ARMC12: variants seen among roughly 807,000 people sequenced by gnomAD.
ARMC12 encodes the protein armadillo repeat containing 12, also known as armadillo repeat-containing protein 12.
In ARMC12, 25 loss-of-function variants were observed where a neutral mutation model predicts 37.4. That is an observed-to-expected ratio of 0.67 (90% CI 0.49 to 0.93). ARMC12 has a LOEUF of 0.93. Ranked by LOEUF, ARMC12 falls within the 40% of genes least tolerant of loss-of-function variation. The pLI, the probability that ARMC12 is intolerant of heterozygous loss-of-function variation, is 0.00. For synonymous variants in ARMC12, 167 were observed against 176.1 expected, an observed-to-expected ratio of 0.95 and a Z score of 0.41; for missense variants, 384 against 426.6, an observed-to-expected ratio of 0.90 and a Z score of 0.88.
chr6:35,732,219 G>A (rs1046884307), upstream of ARMC12, among the ~76,000 whole-genome samples: 3 of 152,174 alleles, frequency 2.0e-5, no homozygotes, highest in Non-Finnish European at 4.4e-5. Context: ...CTGGTTCCTG[G>A]GCAGGAGTAA....
upstream of ARMC12, among the ~76,000 whole-genome samples, chr6:35,734,382 G>C (rs1030950468): frequency 6.6e-6 from 1 of 152,168 alleles, no homozygotes; most frequent in Admixed American, 6.5e-5. Context: ...GGCCAGGCTC[G>C]AACTCCTGGG....
At chr6:35,738,293 G>GGC (rs1554141456) in intron 2 of ARMC12, 91 bp from the exon 3 acceptor site, 8 of 1,431,832 alleles carry the variant, frequency 5.6e-6, no homozygotes, top group South Asian at 3.8e-5. Context: ...CGGTGGGGGG[G>GGC]GGGTGTGCGG....
rs1483397077 is a variant in ARMC12 at position 35,739,042 on chromosome 6, T to C, written c.444+524T>C. Among the ~76,000 whole-genome samples the C allele has an allele frequency of 2.6e-5, 4 of 151,484 alleles. No homozygotes were observed. In the East Asian group the frequency reaches 5.8e-4, roughly 22 times the overall value. Reference sequence around the variant, plus strand: ...ACTCAGGAAAGGACTTTACTTACTATTACTGGTTTTTTATATAAAGGACAC... The same window carrying C: ...ACTCAGGAAAGGACTTTACTTACTACTACTGGTTTTTTATATAAAGGACAC... On this transcript the variant is annotated intron_variant, in intron 3 of 5. Coordinates refer to ENST00000373866, the MANE Select transcript of ARMC12 (RefSeq NM_001286574.2).
the ARMC12 span, among the ~76,000 whole-genome samples, chr6:35,731,700 C>G: frequency 1.3e-5 from 2 of 152,194 alleles, no homozygotes; most frequent in Non-Finnish European, 2.9e-5. Flanking sequence ...CCTCCACCCC[C>G]ACCCTCACCC....
upstream of ARMC12, among the ~76,000 whole-genome samples, chr6:35,732,136 ACCT>A (rs373903546): frequency 1.2e-4 from 18 of 152,088 alleles, no homozygotes; most frequent in East Asian, 3.3e-3. Flanking sequence ...CCCCGCCGCA[ACCT>A]CCTCCTCTGG....
chr6:35,740,330 G>C (rs1453827816), intron 3 of ARMC12, among the ~76,000 whole-genome samples: 1 of 151,826 alleles, frequency 6.6e-6, no homozygotes, highest in Non-Finnish European at 1.5e-5. Flanking sequence ...CTTTCTCCTG[G>C]TCTGTGGCCA....
chr6:35,736,794 G>A, upstream of ARMC12: 1 of 341,406 alleles, frequency 2.9e-6, no homozygotes, highest in East Asian at 6.2e-5. Flanking sequence ...ATTTTTAATA[G>A]AGACAAGGTT....
At chr6:35,736,628 T>TG (rs912889915), upstream of ARMC12, among the ~76,000 whole-genome samples, 4 of 151,884 alleles carry the variant, frequency 2.6e-5, no homozygotes, top group Non-Finnish European at 4.4e-5. Flanking sequence ...TTTTTTTTTT[T>TG]GAAATGGAGT....
intron 3 of ARMC12, among the ~76,000 whole-genome samples, chr6:35,740,825 A>G (rs1767140138): frequency 6.6e-6 from 1 of 150,488 alleles, no homozygotes; most frequent in South Asian, 2.1e-4. Context: ...GATGGTTTCT[A>G]TTCTGTGGTT....
chr6:35,741,272 T>A (rs142923669), intron 3 of ARMC12, among the ~76,000 whole-genome samples: 1 of 152,276 alleles, frequency 6.6e-6, no homozygotes, highest in East Asian at 1.9e-4. Context: ...TGAGAGAGGA[T>A]TCTAGGGTGT....
In ARMC12 at chr6:35,738,179, G is replaced by A. The variant is rs1374077387; in HGVS notation, c.309+7G>A. The stretch of plus-strand genomic sequence containing the variant: ...GTACTTGCTGGAGGCTGAGGTAAGG[G>A]AAGCAGGAGGTCCCCCCTAGCCGGC... On this transcript the variant is annotated splice_region_variant and intron_variant, in intron 2 of 5. Transcript: ENST00000373866. 1.2e-6 allele frequency: 2 copies of A among 1,609,218 alleles called. No individual in the cohort carries two copies. Among genetic ancestry groups the A allele is most frequent in the South Asian group, 1.1e-5 (1 of 91,014 alleles).
At position 35,737,924 on chromosome 6, in the gene ARMC12, G is replaced by A; in HGVS notation, c.164-103G>A. 15 of 1,550,632 alleles carry A rather than the reference G, an allele frequency of 9.7e-6. No individual in the cohort carries two copies. The South Asian group carries it at 1.6e-4, about 16-fold the overall frequency. ...TATGGCGAGAAGGCTTCTCCGAAAA[G>A]GCAAGGCAGCCTTGTCCCCAAGTCC... On this transcript the variant is annotated intron_variant, in intron 1 of 5. Transcript: ENST00000373866.
Position 35,741,133 on chromosome 6 carries a change from C to T in ARMC12, c.444+2615C>T, listed in dbSNP as rs569863119. 3.0e-4 allele frequency among the ~76,000 whole-genome samples: 46 copies of T among 152,190 alleles called. No individual in the cohort carries two copies. In the South Asian group the frequency reaches 3.9e-3, roughly 13 times the overall value. ...ATTCTCCCCCCTGGGTCTCTTTCAC[C>T]GCTCTGTGGTGGTCTCTTTCGTGAA... On this transcript the variant is annotated intron_variant, in intron 3 of 5. Coordinates refer to ENST00000373866, the MANE Select transcript of ARMC12 (RefSeq NM_001286574.2).
At position 35,737,288 on chromosome 6, in the gene ARMC12, TG is replaced by T. The variant is rs1766996473; in HGVS notation, c.163+21del. ...GCATCGCCCGTGAGTGTCCGGGCCC[TG>T]GGGAGAGGGCTCTGCCCCAGGAGGC... On this transcript the variant is annotated intron_variant, in intron 1 of 5. Coordinates refer to ENST00000373866, the MANE Select transcript of ARMC12 (RefSeq NM_001286574.2). 6.2e-7 allele frequency: 1 copy of T among 1,614,136 alleles called. No homozygotes were observed. Among genetic ancestry groups the T allele is most frequent in the African/African-American group, 1.3e-5 (1 of 74,954 alleles).
Position 35,738,015 on chromosome 6 carries a change from GTGGCTGTCTAGGCC to G in ARMC12, c.164-7_170del. The G allele has an allele frequency of 1.2e-6, 2 of 1,612,182 alleles. No individual in the cohort carries two copies. Among genetic ancestry groups the G allele is most frequent in the Non-Finnish European group, 1.7e-6 (2 of 1,180,030 alleles). On this transcript the variant is annotated splice_acceptor_variant and splice_polypyrimidine_tract_variant and coding_sequence_variant and intron_variant, in exon 2 of 6. Coordinates refer to ENST00000373866, the MANE Select transcript of ARMC12 (RefSeq NM_001286574.2). LOFTEE classifies it high-confidence loss of function. ...AGTCCACAGCCTGAACTGGGCTGGGGTGGCTGTCTAGGCCTGGCAGTCGAGCGAGAGCGGCACGG... is the reference window on the plus strand; with the variant it reads ...AGTCCACAGCCTGAACTGGGCTGGGGTGGCAGTCGAGCGAGAGCGGCACGG...
intron 3 of ARMC12, among the ~76,000 whole-genome samples, chr6:35,746,561 G>A (rs1487347150): frequency 1.3e-5 from 2 of 152,158 alleles, no homozygotes; most frequent in Non-Finnish European, 2.9e-5. Context: ...GAAGCAGGGA[G>A]ACAGGAGGCT....
rs1214209268 is a variant in ARMC12 at position 35,747,359 on chromosome 6, C to G, written c.543C>G (p.Asp181Glu). The G allele has an allele frequency of 6.2e-7, 1 of 1,614,230 alleles. No homozygotes were observed. Among genetic ancestry groups the G allele is most frequent in the Admixed American group, 1.7e-5 (1 of 60,032 alleles). Residue 181 changes from aspartate (D) to glutamate (E), a missense_variant, in exon 4 of 6, where the codon GAC becomes GAG. By Grantham distance (45) the Asp-to-Glu change is conservative. Coordinates refer to ENST00000373866, the MANE Select transcript of ARMC12 (RefSeq NM_001286574.2). ...LRLLNNLPLP[D>E]YVHPQLRRVM... ...TCCTCAACAACCTTCCACTGCCCGA[C>G]TATGTGCATCCACAGCTGCGACGGG...
At chr6:35,734,796 T>C (rs1455024741), upstream of ARMC12, among the ~76,000 whole-genome samples, 1 of 150,254 alleles carries the variant, frequency 6.7e-6, no homozygotes, top group Admixed American at 6.6e-5. Flanking sequence ...AGTGAGAACC[T>C]GTCTCAAAAA....
rs1476431146 is a variant in ARMC12, at chr6:35,748,993, G to C, written c.*123G>C. On this transcript the variant is annotated 3_prime_UTR_variant, in exon 6 of 6. Coordinates refer to ENST00000373866, the MANE Select transcript of ARMC12 (RefSeq NM_001286574.2). ...CATTCAGCATAACCTCTGCTCCAGA[G>C]TGTGGTACAGCATGGGCTTATCTCT... 1.0e-6 allele frequency: 1 copy of C among 983,560 alleles called. No homozygotes were observed. Among genetic ancestry groups the C allele is most frequent in the African/African-American group, 1.7e-5 (1 of 60,390 alleles). The allele number at this position is 983,560 out of a possible 1,614,324, so 60.9% of individuals were successfully genotyped here.
Sources: allele counts gnomAD v4.1 joint callset (sites outside exome capture counted in the v4.1 genomes callset), GRCh38; gene constraint gnomAD v4.1.1; transcripts MANE v1.5; gene names NCBI Gene and HGNC (gene_info 2026-07-23, HGNC 2026-07-21).